The following COL6A2 variants were observed in gnomAD, a reference collection of about 807,000 sequenced individuals.
The protein encoded by COL6A2 is collagen type VI alpha 2 chain, also known as collagen alpha-2(VI) chain.
COL6A2 carries 90 observed loss-of-function variants against 124.9 expected under a neutral mutation model. The observed-to-expected ratio is 0.72, with a 90% confidence interval of 0.61 to 0.86. The LOEUF (loss-of-function observed/expected upper bound fraction) is 0.86, where lower values mean the gene tolerates loss of function less well. Ranked by LOEUF, COL6A2 falls within the 40% of genes least tolerant of loss-of-function variation. The pLI is 0.00. For missense variants in COL6A2, 1,607 were observed against 1,502.5 expected (o/e 1.07, Z -1.15); for synonymous variants, 793 against 618.2 (o/e 1.28, Z -4.19).
intron 1 of COL6A2, 148 bp from the exon 2 acceptor site, chr21:46,111,302 G>C: frequency 3.4e-6 from 2 of 593,952 alleles, no homozygotes; most frequent in South Asian, 3.9e-5. Flanking sequence ...TGCTGGTGAC[G>C]GTGTGTGCTG....
At chr21:46,103,754 T>C (rs118054290) in intron 1 of COL6A2, among the ~76,000 whole-genome samples, 2 of 152,234 alleles carry the variant, frequency 1.3e-5, no homozygotes, top group Non-Finnish European at 2.9e-5. Flanking sequence ...TGAAAAGATA[T>C]CTTGTATGAT....
Position 46,121,042 on chromosome 21 carries a change from T to C in COL6A2, c.1396-19T>C. 6.2e-7 allele frequency: 1 copy of C among 1,611,518 alleles called. No individual in the cohort carries two copies. Among genetic ancestry groups the C allele is most frequent in the Admixed American group, 1.7e-5 (1 of 59,988 alleles). ...TGCTGTCAGTCAAGAGAACCCCAAA[T>C]TCCTCCCCTTTCTTCCAGGGAGACC... On this transcript the variant is annotated intron_variant, in intron 16 of 27. Transcript: ENST00000300527.
intron 4 of COL6A2, 42 bp from the exon 5 acceptor site, chr21:46,113,966 G>T: frequency 6.4e-7 from 1 of 1,559,398 alleles, no homozygotes. Context: ...CCTGAGGAAT[G>T]TCCCACCCAT....
intron 5 of COL6A2, among the ~76,000 whole-genome samples, chr21:46,115,437 A>G (rs2078456592): frequency 6.6e-6 from 1 of 152,220 alleles, no homozygotes; most frequent in Non-Finnish European, 1.5e-5. Flanking sequence ...TAATTCCAAG[A>G]GAGTGTAACC....
chr21:46,122,591 C>T, intron 20 of COL6A2, 60 bp downstream of exon 20: 2 of 1,571,394 alleles, frequency 1.3e-6, no homozygotes, highest in Non-Finnish European at 1.7e-6. Context: ...CGCCCAATTG[C>T]TGGGAACACA....
chr21:46,132,648 C>A lies in COL6A2; in HGVS notation c.*96C>A. The A allele has an allele frequency of 8.0e-7, 1 of 1,251,784 alleles. No individual in the cohort carries two copies. Among genetic ancestry groups the A allele is most frequent in the Non-Finnish European group, 1.1e-6 (1 of 889,714 alleles). The allele number at this position is 1,251,784 out of a possible 1,614,324, so 77.5% of individuals were successfully genotyped here. ...CCCACACGGCCAGCACCGCTGCTCA[C>A]TCGGACGACGCCCTGGGCCTGCACC... On this transcript the variant is annotated 3_prime_UTR_variant, in exon 28 of 28. Coordinates refer to ENST00000300527, the MANE Select transcript of COL6A2 (RefSeq NM_001849.4).
rs2078669520 is a variant in COL6A2 at position 46,126,451 on chromosome 21, G to T, written c.2423-52G>T. On this transcript the variant is annotated intron_variant, in intron 26 of 27. Transcript: ENST00000300527. The stretch of plus-strand genomic sequence containing the variant: ...GGCAGATCAGTGAACGGCCGCTGAG[G>T]GTTCGCTAGGGACTGACCCTGGCCT... 6 of 1,609,036 alleles carry T rather than the reference G, an allele frequency of 3.7e-6. No homozygotes were observed. The East Asian group carries it at 1.1e-4, about 30-fold the overall frequency.
Position 46,125,895 on chromosome 21 carries a change from C to T in COL6A2, c.2080C>T (p.Leu694Phe). ...LSSFKEAVKN[L>F]EWIAGGTWTP... ...GAGCTTCAAGGAGGCTGTCAAGAAC[C>T]TCGAGTGGATTGCGGGCGGCACCTG... The change falls in exon 26 of 28, where the codon CTC (leucine) becomes TTC (phenylalanine). Residue 694 changes from leucine to phenylalanine, a missense_variant. By Grantham distance (22) the Leu-to-Phe change is conservative. Around this residue, in one of 3 missense-constraint regions of COL6A2, gnomAD observed 1,223 missense variants for 1,052.2 expected, o/e 1.16. Transcript: ENST00000300527. 1 of 1,613,218 alleles carries T rather than the reference C, an allele frequency of 6.2e-7. No homozygotes were observed. Among genetic ancestry groups the T allele is most frequent in the Non-Finnish European group, 8.5e-7 (1 of 1,179,992 alleles).
chr21:46,122,366 G>A lies in COL6A2; in HGVS notation c.1573-130G>A, dbSNP rs1460758404. 2.4e-5 allele frequency: 32 copies of A among 1,349,256 alleles called. 2 individuals are homozygous for A. Among genetic ancestry groups the A allele is most frequent in the South Asian group, 1.6e-4 (14 of 85,642 alleles). The allele number at this position is 1,349,256 out of a possible 1,614,324, so 83.6% of individuals were successfully genotyped here. Reference sequence around the variant, plus strand: ...TCAGGAAAAGAGCACAGCTCAGAACGCAGCACAGTGGCCTCACCCAGAGTG... The same window carrying A: ...TCAGGAAAAGAGCACAGCTCAGAACACAGCACAGTGGCCTCACCCAGAGTG... On this transcript the variant is annotated intron_variant, in intron 19 of 27. Transcript: ENST00000300527.
chr21:46,123,553 G>A (rs530629987), intron 21 of COL6A2, among the ~76,000 whole-genome samples: 1 of 144,412 alleles, frequency 6.9e-6, no homozygotes, highest in South Asian at 2.1e-4. Flanking sequence ...ATGGATGGGA[G>A]GATGGGTGAT....
intron 1 of COL6A2, among the ~76,000 whole-genome samples, chr21:46,103,577 C>T (rs548890204): frequency 7.9e-4 from 120 of 152,256 alleles, no homozygotes; most frequent in Admixed American, 1.8e-3. Context: ...CTTTCACTGT[C>T]GAACAAGTTT....
At chr21:46,127,257 G>A (rs1176396517) in intron 27 of COL6A2, among the ~76,000 whole-genome samples, 1 of 152,266 alleles carries the variant, frequency 6.6e-6, no homozygotes. Flanking sequence ...GGTCCGACCT[G>A]GAGGACCACA....
chr21:46,121,428 C>G, intron 17 of COL6A2, 128 bp from the exon 18 acceptor site: 1 of 924,896 alleles, frequency 1.1e-6, no homozygotes, highest in South Asian at 1.4e-5. Flanking sequence ...TCCACGGCCC[C>G]CACAGGCAGC....
Position 46,125,931 on chromosome 21 carries a change from G to A in COL6A2, c.2116G>A (p.Ala706Thr). Residue 706 changes from alanine to threonine, a missense_variant, in exon 26 of 28, where the codon GCC becomes ACC. By Grantham distance (58) the Ala-to-Thr change is moderately conservative. This residue lies in a region of COL6A2 where 1,223 missense variants were observed against 1,052.2 expected (regional missense o/e 1.16). Coordinates refer to ENST00000300527, the MANE Select transcript of COL6A2 (RefSeq NM_001849.4). ...WIAGGTWTPSALKFAYDRLIK... is the reference protein window; with the variant it reads ...WIAGGTWTPSTLKFAYDRLIK... Reference sequence around the variant, plus strand: ...TGCGGGCGGCACCTGGACACCCTCAGCCCTCAAGTTTGCCTACGACCGCCT... The same window carrying A: ...TGCGGGCGGCACCTGGACACCCTCAACCCTCAAGTTTGCCTACGACCGCCT... 6.2e-7 allele frequency: 1 copy of A among 1,613,164 alleles called. No individual in the cohort carries two copies. Among genetic ancestry groups the A allele is most frequent in the Non-Finnish European group, 8.5e-7 (1 of 1,179,962 alleles).
At chr21:46,126,565 C>G (rs749754014) in intron 27 of COL6A2, 24 bp downstream of exon 27, 1 of 1,613,200 alleles carries the variant, frequency 6.2e-7, no homozygotes, top group South Asian at 1.1e-5. Flanking sequence ...CCCTGAGCCA[C>G]CACCCCAGAC....
intron 12 of COL6A2, 68 bp from the exon 13 acceptor site, chr21:46,118,546 G>A (rs376689352): frequency 2.0e-5 from 29 of 1,463,792 alleles, no homozygotes; most frequent in Middle Eastern, 1.7e-4. Flanking sequence ...TCCTGCCCCC[G>A]CAGCGGGCAT....
chr21:46,130,864 T>G (rs1487648902), intron 27 of COL6A2, among the ~76,000 whole-genome samples: 1 of 152,190 alleles, frequency 6.6e-6, no homozygotes, highest in African/African-American at 2.4e-5. Context: ...ATAAGCTCAC[T>G]GAGGGAACCC....
At chr21:46,122,294 G>A (rs2078579399) in intron 19 of COL6A2, 136 bp downstream of exon 19, 2 of 1,242,358 alleles carry the variant, frequency 1.6e-6, no homozygotes, top group South Asian at 1.3e-5. Flanking sequence ...GGACAGAGTG[G>A]TGAGAAGGCT....
At chr21:46,107,071 T>G (rs2078341945) in intron 1 of COL6A2, among the ~76,000 whole-genome samples, 1 of 152,154 alleles carries the variant, frequency 6.6e-6, no homozygotes, top group Non-Finnish European at 1.5e-5. Flanking sequence ...TCTCAAAAAT[T>G]TTTTTGAGTT....
Sources: gnomAD v4.1 joint callset for allele counts (sites outside exome capture counted in the v4.1 genomes callset) on GRCh38, gnomAD v4.1.1 for gene constraint, gnomAD v4.1.1 regional missense constraint, MANE v1.5 for transcripts, NCBI Gene and HGNC (gene_info 2026-07-23, HGNC 2026-07-21) for gene names.